Variants in UQCRC1 observed in about 807,000 individuals in gnomAD.
UQCRC1 encodes cytochrome b-c1 complex subunit 1, mitochondrial.
UQCRC1 carries 34 observed loss-of-function variants against 58.0 expected under a neutral mutation model. That is an observed-to-expected ratio of 0.59 (90% CI 0.45 to 0.78). The LOEUF (loss-of-function observed/expected upper bound fraction) is 0.78. Ranked by LOEUF, UQCRC1 falls within the 30% of genes least tolerant of loss-of-function variation. The pLI is 0.00. For missense variants in UQCRC1, 610 were observed against 646.0 expected, an observed-to-expected ratio of 0.94 and a Z score of 0.60; for synonymous variants, 276 against 248.8, an observed-to-expected ratio of 1.11 and a Z score of -1.03.
chr3:48,600,795 A>G lies in UQCRC1; in HGVS notation c.1012T>C (p.Cys338Arg), dbSNP rs2046357390. The G allele has an allele frequency of 1.2e-6, 2 of 1,614,014 alleles. No individual in the cohort carries two copies. Among genetic ancestry groups the G allele is most frequent in the Non-Finnish European group, 1.7e-6 (2 of 1,180,050 alleles). ...ATGCTGAAGGTCTGGAAACTCTGGC[A>G]TAGCTTGTTGGCCACAGCACCTGAA... ...LASGAVANKL[C>R]QSFQTFSICY... Residue 338 changes from cysteine to arginine, a missense_variant, in exon 9 of 13, where the codon TGC becomes CGC. By Grantham distance (180) the Cys-to-Arg change is radical (BLOSUM62 -3). Transcript: ENST00000203407.
intron 1 of UQCRC1, 69 bp downstream of exon 1, chr3:48,609,483 C>T (rs1197521982): frequency 5.2e-6 from 8 of 1,534,570 alleles, no homozygotes; most frequent in Non-Finnish European, 7.0e-6. Context: ...CCTGCCACTG[C>T]TAACAGCCCA....
intron 6 of UQCRC1, among the ~76,000 whole-genome samples, chr3:48,602,444 C>G (rs1283672956): frequency 6.6e-6 from 1 of 152,062 alleles, no homozygotes; most frequent in Non-Finnish European, 1.5e-5. Context: ...TCCCCAGCTC[C>G]AAAGCCCCTG....
intron 12 of UQCRC1, 26 bp from the exon 13 acceptor site, chr3:48,599,218 G>C (rs1575511206): frequency 1.3e-6 from 2 of 1,578,876 alleles, no homozygotes; most frequent in Non-Finnish European, 1.7e-6. Context: ...GGAGCGTCAG[G>C]GTGGGGTACC....
intron 2 of UQCRC1, among the ~76,000 whole-genome samples, chr3:48,606,993 G>C (rs1227455638): frequency 1.3e-5 from 2 of 151,856 alleles, no homozygotes; most frequent in Admixed American, 6.6e-5. Flanking sequence ...CGAGTAGCTG[G>C]AACTACAGGC....
In UQCRC1 at chr3:48,604,683, T is replaced by G. The variant is rs772419168; in HGVS notation, c.395A>C (p.Tyr132Ser). 1 of 1,614,184 alleles carries G rather than the reference T, an allele frequency of 6.2e-7. No individual in the cohort carries two copies. Among genetic ancestry groups the G allele is most frequent in the Non-Finnish European group, 8.5e-7 (1 of 1,180,024 alleles). The change falls in exon 4 of 13, where the codon TAC becomes TCC. Residue 132 changes from tyrosine to serine, a missense_variant. Physicochemically the swap from Tyr to Ser is moderately radical, Grantham distance 144. Coordinates refer to ENST00000203407, the MANE Select transcript of UQCRC1 (RefSeq NM_003365.3). ...CAGATCCTTGGACAGCGCCTTGATG[T>G]AGTAAGCTGTGTGCTCCCGGGTGCT... The part of the protein sequence containing the change: ...AYSTREHTAY[Y>S]IKALSKDLPK...
intron 2 of UQCRC1, among the ~76,000 whole-genome samples, chr3:48,608,680 T>C (rs1559458195): frequency 2.6e-5 from 4 of 152,234 alleles, no homozygotes; most frequent in Non-Finnish European, 5.9e-5. Context: ...ACTCAAGATT[T>C]CTTGTGTCAA....
In UQCRC1 at chr3:48,601,135, C is replaced by G; in HGVS notation, c.823-17G>C. 6.3e-7 allele frequency: 1 copy of G among 1,589,354 alleles called. No homozygotes were observed. The highest frequency in any genetic ancestry group is 1.3e-5 in the African/African-American group (1 of 74,572). On this transcript the variant is annotated splice_polypyrimidine_tract_variant and intron_variant, in intron 7 of 12. Coordinates refer to ENST00000203407, the MANE Select transcript of UQCRC1 (RefSeq NM_003365.3). The stretch of plus-strand genomic sequence containing the variant: ...GTGGCGGATCTGAAACAGTACATGA[C>G]AAGGCTGAGGAACAGCCAGACTGCC...
At position 48,600,997 on chromosome 3, in the gene UQCRC1, T is replaced by C. The variant is rs2046359578; in HGVS notation, c.944A>G (p.Asp315Gly). 1.9e-6 allele frequency: 3 copies of C among 1,606,586 alleles called. No individual in the cohort carries two copies. Among genetic ancestry groups the C allele is most frequent in the Non-Finnish European group, 2.6e-6 (3 of 1,173,988 alleles). ...QVANAIIGHY[D>G]CTYGGGVHLS... ...CACCACGCCACCACCATAAGTGCAG[T>C]CATAGTGGCCGATGATGGCATTGGC... Residue 315 changes from aspartate (D) to glycine (G), a missense_variant, in exon 8 of 13, where the codon GAC becomes GGC. Physicochemically the swap from Asp to Gly is moderately conservative, Grantham distance 94 (BLOSUM62 -1). Transcript: ENST00000203407.
At chr3:48,603,955 G>C in intron 5 of UQCRC1, 1 of 585,464 alleles carries the variant, frequency 1.7e-6, no homozygotes, top group Non-Finnish European at 3.0e-6. Flanking sequence ...ATCCACAAAG[G>C]AGACAAGAGA....
Position 48,609,149 on chromosome 3 carries a change from G to C in UQCRC1, c.210+13C>G. On this transcript the variant is annotated intron_variant, in intron 2 of 12. Coordinates refer to ENST00000203407, the MANE Select transcript of UQCRC1 (RefSeq NM_003365.3). ...ACCTGGAGGCCCTCTCCCCAAAAGC[G>C]TCCCCAACTCACCGTGCAAGTGGGC... The C allele has an allele frequency of 3.1e-6, 5 of 1,600,286 alleles. No homozygotes were observed. The highest frequency in any genetic ancestry group is 4.3e-6 in the Non-Finnish European group (5 of 1,170,014).
intron 2 of UQCRC1, 82 bp downstream of exon 2, chr3:48,609,080 G>T: frequency 1.3e-6 from 2 of 1,520,492 alleles, no homozygotes; most frequent in Non-Finnish European, 1.8e-6. Flanking sequence ...GGGAAGACTC[G>T]AGCCCAAGGT....
Position 48,600,578 on chromosome 3 carries a change from G to A in UQCRC1, c.1128-11C>T. 6.2e-7 allele frequency: 1 copy of A among 1,614,118 alleles called. No individual in the cohort carries two copies. Among genetic ancestry groups the A allele is most frequent in the Non-Finnish European group, 8.5e-7 (1 of 1,180,018 alleles). On this transcript the variant is annotated splice_polypyrimidine_tract_variant and intron_variant, in intron 9 of 12. Transcript: ENST00000203407. Reference sequence around the variant, plus strand: ...GTACACAGGCGCATCCTAAAGTGGGGGGGTGGGTGGTATTCATTCTGAGCC... The same window carrying A: ...GTACACAGGCGCATCCTAAAGTGGGAGGGTGGGTGGTATTCATTCTGAGCC...
intron 8 of UQCRC1, 34 bp from the exon 9 acceptor site, chr3:48,600,874 C>CT (rs764986255): frequency 1.2e-6 from 2 of 1,613,294 alleles, no homozygotes; most frequent in Non-Finnish European, 1.7e-6. Context: ...CACCCACCCT[C>CT]TTGTCTTCAA....
intron 10 of UQCRC1, 148 bp from the exon 11 acceptor site, chr3:48,600,299 A>G (rs1334016580): frequency 1.9e-6 from 2 of 1,072,690 alleles, no homozygotes; most frequent in East Asian, 2.5e-5. Context: ...GTCACCTATT[A>G]TGGCAGTGAT....
Position 48,600,993 on chromosome 3 carries a change from G to A in UQCRC1, c.948C>T (p.Cys316=). The change falls in exon 8 of 13, where the codon TGC becomes TGT. Residue 316 remains cysteine, a synonymous_variant. Coordinates refer to ENST00000203407, the MANE Select transcript of UQCRC1 (RefSeq NM_003365.3). ...VANAIIGHYD[C]TYGGGVHLSS... ...CACTCACCACGCCACCACCATAAGT[G>A]CAGTCATAGTGGCCGATGATGGCAT... The A allele has an allele frequency of 6.2e-7, 1 of 1,605,978 alleles. No individual in the cohort carries two copies.
At chr3:48,601,707 CAG>C (rs1372177790) in intron 6 of UQCRC1, among the ~76,000 whole-genome samples, 2 of 152,190 alleles carry the variant, frequency 1.3e-5, no homozygotes, top group African/African-American at 2.4e-5. Context: ...CAAAAGCGTT[CAG>C]AGTTTCAAAA....
At position 48,600,135 on chromosome 3, in the gene UQCRC1, A is replaced by G. The variant is rs1291384322; in HGVS notation, c.1230T>C (p.Cys410=). 3 of 1,614,108 alleles carry G rather than the reference A, an allele frequency of 1.9e-6. No individual in the cohort carries two copies. Among genetic ancestry groups the G allele is most frequent in the African/African-American group, 2.7e-5 (2 of 75,040 alleles). Residue 410 remains cysteine, a synonymous_variant, in exon 11 of 13, where the codon TGT becomes TGC. Coordinates refer to ENST00000203407, the MANE Select transcript of UQCRC1 (RefSeq NM_003365.3). ...TCAGGAGGCTGCGTCCGATGTCCTC[A>G]CACACAGGAGTAGTGCCTTTAAGGG... ...VSHLDGTTPV[C]EDIGRSLLTY...
intron 1 of UQCRC1, 103 bp downstream of exon 1, chr3:48,609,449 G>A (rs2107850271): frequency 6.6e-7 from 1 of 1,520,480 alleles, no homozygotes; most frequent in African/African-American, 1.4e-5. Flanking sequence ...CCACGGCCCT[G>A]ACCCCGCGTC....
At chr3:48,605,327 T>A (rs530812527) in intron 3 of UQCRC1, among the ~76,000 whole-genome samples, 1 of 152,252 alleles carries the variant, frequency 6.6e-6, no homozygotes, top group Non-Finnish European at 1.5e-5. Context: ...GGTTGCCTAC[T>A]ATGGCTCCAT....
Sources: gnomAD v4.1 joint callset for allele counts (sites outside exome capture counted in the v4.1 genomes callset) on GRCh38, gnomAD v4.1.1 for gene constraint, MANE v1.5 for transcripts, NCBI Gene and HGNC (gene_info 2026-07-23, HGNC 2026-07-21) for gene names.